FREM2: variants seen among roughly 807,000 people sequenced by gnomAD.
FREM2 encodes the protein FRAS1-related extracellular matrix protein 2.
Under a neutral mutation model 219.9 loss-of-function variants are expected in FREM2, and 119 were observed. That is an observed-to-expected ratio of 0.54 (90% confidence interval 0.47 to 0.63). FREM2 has a LOEUF of 0.63. FREM2 is among the 30% of genes least tolerant of loss of function. The probability of loss-of-function intolerance (pLI) is 0.00; values close to 1 mark genes in which losing one functional copy is unlikely to be tolerated. For missense variants in FREM2, 4,030 were observed against 3,993.6 expected, an observed-to-expected ratio of 1.01 and a Z score of -0.25; for synonymous variants, 1,562 against 1,522.8, an observed-to-expected ratio of 1.03 and a Z score of -0.60.
chr13:38,722,510 TA>T (rs1271044508), intron 2 of FREM2, among the ~76,000 whole-genome samples: 2 of 152,100 alleles, frequency 1.3e-5, no homozygotes, highest in Non-Finnish European at 2.9e-5. Context: ...CTGACTAAGC[TA>T]AGTCTACCTT....
At chr13:38,792,325 G>T (rs1220771956) in intron 6 of FREM2, among the ~76,000 whole-genome samples, 1 of 152,118 alleles carries the variant, frequency 6.6e-6, no homozygotes, top group East Asian at 1.9e-4. Flanking sequence ...CTCCAGCCTG[G>T]GCAACAAGCA....
intron 2 of FREM2, among the ~76,000 whole-genome samples, chr13:38,737,512 C>T (rs911243546): frequency 6.6e-6 from 1 of 152,282 alleles, no homozygotes; most frequent in Non-Finnish European, 1.5e-5. Context: ...CATACCAGTT[C>T]TAAAGTATTA....
intron 6 of FREM2, among the ~76,000 whole-genome samples, chr13:38,807,540 G>T (rs563141971): frequency 2.3e-4 from 35 of 151,752 alleles, no homozygotes; most frequent in African/African-American, 8.4e-4. Context: ...AAGTTGAAAT[G>T]ACTCCTTAAT....
chr13:38,860,376 C>A (rs1877716838), intron 14 of FREM2, among the ~76,000 whole-genome samples: 1 of 152,118 alleles, frequency 6.6e-6, no homozygotes, highest in African/African-American at 2.4e-5. Flanking sequence ...ATAAATAAAT[C>A]CTTCACTCTG....
chr13:38,719,943 G>A (rs1248302580), intron 2 of FREM2, among the ~76,000 whole-genome samples: 1 of 152,114 alleles, frequency 6.6e-6, no homozygotes, highest in Non-Finnish European at 1.5e-5. Flanking sequence ...TTTCTTTGAG[G>A]TTCAGATGCA....
At position 38,804,171 on chromosome 13, in the gene FREM2, C is replaced by T. The variant is rs560438738; in HGVS notation, c.6019+19363C>T. On this transcript the variant is annotated intron_variant, in intron 6 of 23. Coordinates refer to ENST00000280481, the MANE Select transcript of FREM2 (RefSeq NM_207361.6). ...TAGAAAAATGAGTTTCTAATTTCTCCGAATATTAATGCAATGTAGCCATTG... is the reference window on the plus strand; with the variant it reads ...TAGAAAAATGAGTTTCTAATTTCTCTGAATATTAATGCAATGTAGCCATTG... Among the ~76,000 whole-genome samples the T allele has an allele frequency of 1.9e-4, 29 of 151,672 alleles. No homozygotes were observed. The South Asian group carries it at 2.5e-3, about 13-fold the overall frequency.
At chr13:38,710,006 C>G (rs1870704352) in intron 2 of FREM2, among the ~76,000 whole-genome samples, 1 of 149,432 alleles carries the variant, frequency 6.7e-6, no homozygotes, top group African/African-American at 2.5e-5. Context: ...CACACACACA[C>G]ACACACACAC....
In FREM2 at chr13:38,690,898, C is replaced by A. The variant is rs1293863398; in HGVS notation, c.3554C>A (p.Pro1185His). 1 of 1,613,804 alleles carries A rather than the reference C, an allele frequency of 6.2e-7. No individual in the cohort carries two copies. Among genetic ancestry groups the A allele is most frequent in the South Asian group, 1.1e-5 (1 of 91,048 alleles). The change falls in exon 1 of 24, where the codon CCC (proline) becomes CAC (histidine). Residue 1185 changes from proline (P) to histidine (H), a missense_variant. Around this residue, in one of 2 missense-constraint regions of FREM2, gnomAD observed 3,102 missense variants for 2,950.7 expected, o/e 1.05. Transcript: ENST00000280481. ...ERQFFPIVIIPTNDEQPEMFM... is the reference protein window; with the variant it reads ...ERQFFPIVIIHTNDEQPEMFM... Reference sequence around the variant, plus strand: ...CAGTTCTTCCCCATTGTAATCATTCCCACCAATGATGAACAGCCAGAGATG... The same window carrying A: ...CAGTTCTTCCCCATTGTAATCATTCACACCAATGATGAACAGCCAGAGATG...
Position 38,691,105 on chromosome 13 carries a change from T to G in FREM2, c.3761T>G (p.Leu1254Trp). ...ACGGTTTTGGTCGAAAGCTTCACCT[T>G]GGATCAGATCATAGAGAGTTCCAGC... ...NGTVLVESFT[L>W]DQIIESSSII... is the part of the protein sequence containing the mutation. The change falls in exon 1 of 24, where the codon TTG becomes TGG. Residue 1254 changes from leucine (L) to tryptophan (W), a missense_variant. Physicochemically the swap from Leu to Trp is moderately conservative, Grantham distance 61. This residue lies in a region of FREM2 where 3,102 missense variants were observed against 2,950.7 expected (regional missense o/e 1.05). Coordinates refer to ENST00000280481, the MANE Select transcript of FREM2 (RefSeq NM_207361.6). 1.9e-6 allele frequency: 3 copies of G among 1,614,122 alleles called. No homozygotes were observed. Among genetic ancestry groups the G allele is most frequent in the Non-Finnish European group, 2.5e-6 (3 of 1,180,018 alleles).
At chr13:38,770,373 T>C (rs1339544513) in intron 4 of FREM2, among the ~76,000 whole-genome samples, 1 of 151,806 alleles carries the variant, frequency 6.6e-6, no homozygotes, top group African/African-American at 2.4e-5. Context: ...TGCTATACTT[T>C]TCCAAGTAAA....
intron 6 of FREM2, among the ~76,000 whole-genome samples, chr13:38,829,196 A>G (rs1354078344): frequency 1.3e-5 from 2 of 152,164 alleles, no homozygotes; most frequent in African/African-American, 2.4e-5. Context: ...TAAGGGGTAG[A>G]ACATAAGCAG....
At chr13:38,737,656 C>T (rs977068844) in intron 2 of FREM2, among the ~76,000 whole-genome samples, 4 of 152,160 alleles carry the variant, frequency 2.6e-5, no homozygotes, top group Admixed American at 2.0e-4. Context: ...TCATTAAATA[C>T]TTATTAGAGT....
chr13:38,746,566 C>G lies in FREM2; in HGVS notation c.5264-17738C>G, dbSNP rs111563983. Among the ~76,000 whole-genome samples the G allele has an allele frequency of 6.7e-3, 1,022 of 152,162 alleles. 9 individuals carry two copies. Among genetic ancestry groups the G allele is most frequent in the African/African-American group, 0.023 (971 of 41,532 alleles). ...AAAGTAGGCAAAGATTTTTGAAGTA[C>G]CCATGATTAAAATTTTCTCTTCTAC... On this transcript the variant is annotated intron_variant, in intron 2 of 23. Transcript: ENST00000280481.
chr13:38,879,682 A>G (rs1371740932), intron 23 of FREM2, among the ~76,000 whole-genome samples: 1 of 152,214 alleles, frequency 6.6e-6, no homozygotes, highest in East Asian at 1.9e-4. Flanking sequence ...GTTATTCTCA[A>G]TCTTTTCAAA....
intron 2 of FREM2, among the ~76,000 whole-genome samples, chr13:38,708,672 CT>C (rs1244536356): frequency 1.3e-5 from 2 of 151,930 alleles, no homozygotes; most frequent in Admixed American, 1.3e-4. Context: ...AATAAATAAT[CT>C]TTAAAAAAAG....
chr13:38,880,004 T>A (rs1761417639), intron 23 of FREM2, among the ~76,000 whole-genome samples: 1 of 152,246 alleles, frequency 6.6e-6, no homozygotes, highest in Admixed American at 6.5e-5. Flanking sequence ...TTTTAGTGAA[T>A]AAGCTAGACT....
At position 38,690,994 on chromosome 13, in the gene FREM2, A is replaced by T. The variant is rs1415721888; in HGVS notation, c.3650A>T (p.Asp1217Val). ...VIDTPILNAA[D>V]ADVPLDDLTF... ...GATACACCCATTCTCAATGCTGCTG[A>T]TGCTGATGTTCCCCTGGATGATTTA... Residue 1217 changes from aspartate (D) to valine (V), a missense_variant, in exon 1 of 24, where the codon GAT (aspartate) becomes GTT (valine). By Grantham distance (152) the Asp-to-Val change is radical. Coordinates refer to ENST00000280481, the MANE Select transcript of FREM2 (RefSeq NM_207361.6). 6.2e-7 allele frequency: 1 copy of T among 1,614,110 alleles called. No individual in the cohort carries two copies. The highest frequency in any genetic ancestry group is 8.5e-7 in the Non-Finnish European group (1 of 1,179,976).
chr13:38,857,714 A>G (rs943955700), intron 12 of FREM2, among the ~76,000 whole-genome samples, 161 bp from the exon 13 acceptor site: 6 of 152,230 alleles, frequency 3.9e-5, no homozygotes, highest in Non-Finnish European at 5.9e-5. Flanking sequence ...CATGTGCTGC[A>G]GGCCACTTAG....
At chr13:38,803,501 A>G (rs1875101307) in intron 6 of FREM2, among the ~76,000 whole-genome samples, 1 of 152,100 alleles carries the variant, frequency 6.6e-6, no homozygotes, top group Non-Finnish European at 1.5e-5. Flanking sequence ...TGCAGATATC[A>G]AACATCTGAC....
Sources: allele counts gnomAD v4.1 joint callset (sites outside exome capture counted in the v4.1 genomes callset), GRCh38; gene constraint gnomAD v4.1.1; regional missense constraint gnomAD v4.1.1; transcripts MANE v1.5; gene names NCBI Gene and HGNC (gene_info 2026-07-23, HGNC 2026-07-21).